C1GALT1: variants seen among roughly 807,000 people sequenced by gnomAD.
C1GALT1 encodes the protein glycoprotein-N-acetylgalactosamine 3-beta-galactosyltransferase 1.
Under a neutral mutation model 31.0 loss-of-function variants are expected in C1GALT1, and 11 were observed. The ratio of observed to expected loss-of-function variants is 0.36; its 90% CI spans 0.22 to 0.59. The LOEUF is 0.59. C1GALT1 is among the 20% of genes least tolerant of loss of function. C1GALT1 has a pLI of 0.79. For synonymous variants in C1GALT1, 175 were observed against 143.6 expected (o/e 1.22, Z -1.56); for missense variants, 424 against 425.2 (o/e 1.00, Z 0.03).
intron 3 of C1GALT1, among the ~76,000 whole-genome samples, chr7:7,240,184 G>C: frequency 6.6e-6 from 1 of 152,170 alleles, no homozygotes; most frequent in Admixed American, 6.5e-5. Flanking sequence ...AGACATTTTT[G>C]GTTGTTACAG....
At chr7:7,228,888 T>A (rs10277583) in intron 1 of C1GALT1, among the ~76,000 whole-genome samples, 29,786 of 152,178 alleles carry the variant, frequency 0.2, 3,203 homozygotes, top group Middle Eastern at 0.29. Context: ...AAAAACTGTG[T>A]CCATAAGTAC....
Position 7,243,660 on chromosome 7 carries a change from G to T in C1GALT1, c.1025G>T (p.Arg342Leu), listed in dbSNP as rs777844760. 2.5e-6 allele frequency: 4 copies of T among 1,608,006 alleles called. No individual in the cohort carries two copies. The highest frequency in any genetic ancestry group is 2.5e-6 in the Non-Finnish European group (3 of 1,178,316). Residue 342 changes from arginine (R) to leucine (L), a missense_variant, in exon 4 of 4, where the codon CGT (arginine) becomes CTT (leucine). This residue lies in a region of C1GALT1 where 191 missense variants were observed against 188.8 expected (regional missense o/e 1.01). Coordinates refer to ENST00000436587, the MANE Select transcript of C1GALT1 (RefSeq NM_020156.5). ...AGATATCAACCTACCTTACCTGAAC[G>T]TATACTAAAGGAAATTAGTCAAGCA... Reference protein sequence around the residue: ...LYRYQPTLPERILKEISQANK... With the variant: ...LYRYQPTLPELILKEISQANK...
intron 2 of C1GALT1, among the ~76,000 whole-genome samples, chr7:7,158,958 G>T (rs1044131481): frequency 6.6e-6 from 1 of 152,160 alleles, no homozygotes; most frequent in Non-Finnish European, 1.5e-5. Flanking sequence ...AACGAGCAGG[G>T]TTCTTGATCT....
chr7:7,181,276 A>AAAGGT (rs1780581538), upstream of C1GALT1, among the ~76,000 whole-genome samples: 15 of 151,970 alleles, frequency 9.9e-5, no homozygotes, highest in African/African-American at 1.9e-4. Context: ...GTGGAGGGGG[A>AAAGGT]GGAGGCTGAG....
chr7:7,196,626 G>A (rs1047617060), intron 1 of C1GALT1, among the ~76,000 whole-genome samples: 1 of 152,156 alleles, frequency 6.6e-6, no homozygotes, highest in Non-Finnish European at 1.5e-5. Flanking sequence ...CTAGATCCTT[G>A]AGGAATTGCC....
At chr7:7,241,093 A>C (rs1185108301) in intron 3 of C1GALT1, among the ~76,000 whole-genome samples, 3 of 58,298 alleles carry the variant, frequency 5.1e-5, no homozygotes, top group African/African-American at 2.3e-4. Flanking sequence ...ATATATGTGT[A>C]ATTGTTTACA....
intron 1 of C1GALT1, among the ~76,000 whole-genome samples, chr7:7,220,162 G>A (rs1009773761): frequency 3.9e-5 from 6 of 152,134 alleles, no homozygotes; most frequent in African/African-American, 9.7e-5. Flanking sequence ...TTTTGTAGTA[G>A]CAGGCCATAT....
chr7:7,174,652 C>T (rs1202233408), intron 2 of C1GALT1, among the ~76,000 whole-genome samples: 4 of 151,880 alleles, frequency 2.6e-5, no homozygotes, highest in African/African-American at 9.7e-5. Context: ...CATTCTTTTT[C>T]CTTTCTGCTC....
intron 2 of C1GALT1, among the ~76,000 whole-genome samples, chr7:7,170,086 T>TTG (rs1780437610): frequency 6.6e-6 from 1 of 152,214 alleles, no homozygotes; most frequent in East Asian, 1.9e-4. Flanking sequence ...TTTAGTTAAT[T>TTG]TGTGTGTTTA....
chr7:7,180,085 T>G (rs1780553262), upstream of C1GALT1, among the ~76,000 whole-genome samples: 1 of 152,210 alleles, frequency 6.6e-6, no homozygotes, highest in African/African-American at 2.4e-5. Flanking sequence ...AGGATTTTGG[T>G]TTAGACAACT....
intron 1 of C1GALT1, among the ~76,000 whole-genome samples, chr7:7,186,066 C>T (rs1239428894): frequency 6.6e-6 from 1 of 151,900 alleles, no homozygotes; most frequent in Non-Finnish European, 1.5e-5. Context: ...AGGGCATTTG[C>T]TGGTAGGGAC....
At chr7:7,201,942 A>G (rs1286808116) in intron 1 of C1GALT1, among the ~76,000 whole-genome samples, 1 of 152,070 alleles carries the variant, frequency 6.6e-6, no homozygotes. Context: ...CCCCAATTCC[A>G]CTGGCAGCTC....
At chr7:7,203,891 T>G (rs1781619767) in intron 1 of C1GALT1, among the ~76,000 whole-genome samples, 1 of 152,084 alleles carries the variant, frequency 6.6e-6, no homozygotes, top group Non-Finnish European at 1.5e-5. Context: ...TACAGTACTA[T>G]AGAATACAAT....
chr7:7,246,753 C>T lies in C1GALT1; in HGVS notation c.*3026C>T, dbSNP rs1336368599. On this transcript the variant is annotated 3_prime_UTR_variant, in exon 4 of 4. Coordinates refer to ENST00000436587, the MANE Select transcript of C1GALT1 (RefSeq NM_020156.5). Reference sequence around the variant, plus strand: ...TCTTATCCTAGTTTGAGAACCAATACCCAACAACCTACGTGATTTTGGTGC... The same window carrying T: ...TCTTATCCTAGTTTGAGAACCAATATCCAACAACCTACGTGATTTTGGTGC... 3 of 152,196 alleles carry T rather than the reference C, an allele frequency of 2.0e-5. No individual in the cohort carries two copies. The highest frequency in any genetic ancestry group is 6.6e-5 in the Admixed American group (1 of 15,256). The allele number at this position is 152,196 out of a possible 1,614,324, so 9.4% of individuals were successfully genotyped here. A position where few individuals can be genotyped will look rare whatever the true frequency, so the allele number is the denominator to read the frequency against.
rs112335883 is a variant in C1GALT1, at chr7:7,165,861, T to C, written c.-18+8435T>C. The stretch of plus-strand genomic sequence containing the variant: ...TCACAGTCAAAATAGAAAAACTCAT[T>C]TCATGCACAAAATTTTTGAAAATAT... On this transcript the variant is annotated intron_variant, in intron 2 of 3. Transcript: ENST00000429911. Among the ~76,000 whole-genome samples the C allele has an allele frequency of 1.5e-3, 233 of 152,284 alleles. 2 individuals carry two copies. Among genetic ancestry groups the C allele is most frequent in the Middle Eastern group, 0.01 (3 of 294 alleles).
intron 1 of C1GALT1, among the ~76,000 whole-genome samples, chr7:7,200,848 A>C (rs572589862): frequency 1.3e-5 from 2 of 152,282 alleles, no homozygotes. Flanking sequence ...CAGCTCCATC[A>C]AGTCATTTAA....
At chr7:7,189,305 T>C (rs1467708339) in intron 1 of C1GALT1, among the ~76,000 whole-genome samples, 1 of 152,172 alleles carries the variant, frequency 6.6e-6, no homozygotes, top group Admixed American at 6.5e-5. Flanking sequence ...TGAAGTGATA[T>C]ATCAAGGCAT....
intron 1 of C1GALT1, among the ~76,000 whole-genome samples, chr7:7,187,635 C>G (rs576313195): frequency 1.3e-5 from 2 of 152,174 alleles, no homozygotes; most frequent in South Asian, 2.1e-4. Flanking sequence ...CGGACGGCTT[C>G]CACAACAGAG....
chr7:7,199,859 C>T (rs913654159), intron 1 of C1GALT1, among the ~76,000 whole-genome samples: 1 of 152,174 alleles, frequency 6.6e-6, no homozygotes, highest in African/African-American at 2.4e-5. Context: ...ACTAGGATTG[C>T]AGCCCTTGCT....
Sources: gnomAD v4.1 joint callset for allele counts (sites outside exome capture counted in the v4.1 genomes callset) on GRCh38, gnomAD v4.1.1 for gene constraint, gnomAD v4.1.1 regional missense constraint, MANE v1.5 for transcripts, NCBI Gene and HGNC (gene_info 2026-07-23, HGNC 2026-07-21) for gene names.